The following ABCG2 variants were observed in gnomAD, a reference collection of about 807,000 sequenced individuals.
ABCG2 encodes ATP binding cassette subfamily G member 2 (JR blood group), also known as broad substrate specificity ATP-binding cassette transporter ABCG2.
In ABCG2, 80 loss-of-function variants were observed where a neutral mutation model predicts 73.5. The ratio of observed to expected loss-of-function variants is 1.09; its 90% CI spans 0.91 to 1.31. The LOEUF is 1.31. Among genes scored for constraint, ABCG2 ranks in the 50% most tolerant of loss-of-function variants. The probability of loss-of-function intolerance (pLI) is 0.00; values close to 1 mark genes in which losing one functional copy is unlikely to be tolerated. For missense variants in ABCG2, 796 were observed against 786.2 expected (o/e 1.01, Z -0.15); for synonymous variants, 269 against 282.4 (o/e 0.95, Z 0.48).
chr4:88,200,287 C>T (rs1170565105), intron 1 of ABCG2, among the ~76,000 whole-genome samples: 1 of 152,056 alleles, frequency 6.6e-6, no homozygotes, highest in Non-Finnish European at 1.5e-5. Flanking sequence ...CTGATCATGC[C>T]TGTGCACTCC....
chr4:88,115,232 G>GTCTCTCTCTCTCTCTGTCTCTCTCTCTC (rs59257608), intron 7 of ABCG2, among the ~76,000 whole-genome samples, 174 bp from the exon 8 acceptor site: 629 of 28,720 alleles, frequency 0.022, 251 homozygotes, highest in East Asian at 0.075. Flanking sequence ...TATATATTCA[G>GTCTCTCTCTCTCTCTGTCTCTCTCTCTC]TCTCTCTCTC....
At chr4:88,196,408 A>C (rs1188118234) in intron 1 of ABCG2, among the ~76,000 whole-genome samples, 1 of 152,210 alleles carries the variant, frequency 6.6e-6, no homozygotes, top group Non-Finnish European at 1.5e-5. Flanking sequence ...AGAATCTGAG[A>C]ACACTTAACT....
chr4:88,165,204 G>C (rs189068112), intron 1 of ABCG2, among the ~76,000 whole-genome samples: 39 of 152,336 alleles, frequency 2.6e-4, no homozygotes, highest in Admixed American at 1.8e-3. Flanking sequence ...TTGGAAAAAT[G>C]ATGAATATTT....
chr4:88,205,541 T>TTA (rs1174251936), intron 1 of ABCG2, among the ~76,000 whole-genome samples: 1 of 152,170 alleles, frequency 6.6e-6, no homozygotes, highest in East Asian at 1.9e-4. Context: ...CTGTTCCACT[T>TTA]TCATAAAGTT....
chr4:88,170,974 C>T (rs1311535614), intron 1 of ABCG2, among the ~76,000 whole-genome samples: 1 of 152,102 alleles, frequency 6.6e-6, no homozygotes, highest in African/African-American at 2.4e-5. Flanking sequence ...TACAGGAACA[C>T]GGATGGAGCC....
chr4:88,178,408 C>T (rs904069103), intron 1 of ABCG2, among the ~76,000 whole-genome samples: 1 of 152,152 alleles, frequency 6.6e-6, no homozygotes, highest in Non-Finnish European at 1.5e-5. Flanking sequence ...CAATCAGTAG[C>T]GGTACCCAGG....
intron 15 of ABCG2, among the ~76,000 whole-genome samples, chr4:88,093,925 G>T (rs188576706): frequency 1.1e-4 from 17 of 152,234 alleles, no homozygotes; most frequent in Admixed American, 3.3e-4. Context: ...TGAAAACGGG[G>T]TTTTTTTCTC....
chr4:88,168,197 G>A (rs1727618950), intron 1 of ABCG2, among the ~76,000 whole-genome samples: 1 of 151,958 alleles, frequency 6.6e-6, no homozygotes, highest in Non-Finnish European at 1.5e-5. Context: ...TGGTTATAAA[G>A]TTTATTTAGG....
Position 88,091,831 on chromosome 4 carries a change from T to A in ABCG2, c.*403A>T, listed in dbSNP as rs1259262427. Reference sequence around the variant, plus strand: ...TAGCATTAATACATTTGTCATTTATTAAATAATGGCAAACCATAGCATCAT... The same window carrying A: ...TAGCATTAATACATTTGTCATTTATAAAATAATGGCAAACCATAGCATCAT... On this transcript the variant is annotated 3_prime_UTR_variant, in exon 16 of 16. Coordinates refer to ENST00000237612, the MANE Select transcript of ABCG2 (RefSeq NM_004827.3). The A allele has an allele frequency of 6.4e-6, 1 of 156,842 alleles. No individual in the cohort carries two copies. Among genetic ancestry groups the A allele is most frequent in the Non-Finnish European group, 1.4e-5 (1 of 71,014 alleles). The allele number at this position is 156,842 out of a possible 1,614,324, so 9.7% of individuals were successfully genotyped here.
chr4:88,201,209 C>CAA (rs3061250), intron 1 of ABCG2, among the ~76,000 whole-genome samples: 14,155 of 106,114 alleles, frequency 0.13, 1,010 homozygotes, highest in Non-Finnish European at 0.16. Context: ...GCACTAACTG[C>CAA]AAAAAAAAAA....
intron 1 of ABCG2, among the ~76,000 whole-genome samples, chr4:88,209,817 G>A (rs1165229916): frequency 3.3e-5 from 5 of 152,136 alleles, no homozygotes; most frequent in African/African-American, 4.8e-5. Flanking sequence ...GTAATGATAA[G>A]TTTTAGATTC....
At chr4:88,111,178 A>C (rs1003338847) in intron 9 of ABCG2, among the ~76,000 whole-genome samples, 7 of 152,244 alleles carry the variant, frequency 4.6e-5, no homozygotes, top group Non-Finnish European at 7.3e-5. Context: ...TTTTGAAGCA[A>C]GATAATTCAA....
At chr4:88,099,924 ACTT>A (rs1722276617) in intron 11 of ABCG2, among the ~76,000 whole-genome samples, 1 of 151,940 alleles carries the variant, frequency 6.6e-6, no homozygotes, top group African/African-American at 2.4e-5. Flanking sequence ...AGCTCTTCTT[ACTT>A]CTTCTACTCC....
At chr4:88,227,295 C>G (rs1358981716) in intron 1 of ABCG2, among the ~76,000 whole-genome samples, 1 of 151,970 alleles carries the variant, frequency 6.6e-6, no homozygotes, top group African/African-American at 2.4e-5. Flanking sequence ...ACTAGGGAGG[C>G]TAAGACAGGA....
At chr4:88,138,351 T>C (rs1725392448) in intron 2 of ABCG2, among the ~76,000 whole-genome samples, 1 of 152,194 alleles carries the variant, frequency 6.6e-6, no homozygotes, top group South Asian at 2.1e-4. Context: ...GAAAGATTTG[T>C]CCTAAGTCAG....
intron 1 of ABCG2, among the ~76,000 whole-genome samples, chr4:88,214,753 G>A (rs1458133681): frequency 4.6e-5 from 7 of 152,062 alleles, no homozygotes; most frequent in African/African-American, 1.2e-4. Context: ...TGGACCAGAG[G>A]TACATGCCAC....
chr4:88,123,135 T>C (rs1724128958), intron 5 of ABCG2, among the ~76,000 whole-genome samples: 3 of 151,900 alleles, frequency 2.0e-5, no homozygotes, highest in South Asian at 4.2e-4. Context: ...AGCATCAACA[T>C]CAACAAAAAG....
chr4:88,179,412 A>G (rs1337315440), intron 1 of ABCG2, among the ~76,000 whole-genome samples: 1 of 152,112 alleles, frequency 6.6e-6, no homozygotes, highest in Non-Finnish European at 1.5e-5. Context: ...CCCAACTCCC[A>G]CCGTACACCT....
rs181507639 is a variant in ABCG2 at position 88,182,953 on chromosome 4, C to A, written c.-19-42939G>T. ...ACAAAAAATTAGCTGGGCATGGCGG[C>A]GGGCACCTGTAGTCCCAGCTACTCA... On this transcript the variant is annotated intron_variant, in intron 1 of 15. Transcript: ENST00000515655. Among the ~76,000 whole-genome samples the A allele has an allele frequency of 7.5e-3, 1,144 of 151,806 alleles. 17 individuals carry two copies. Among genetic ancestry groups the A allele is most frequent in the African/African-American group, 0.026 (1,073 of 41,438 alleles).
Sources: allele counts gnomAD v4.1 joint callset (sites outside exome capture counted in the v4.1 genomes callset), GRCh38; gene constraint gnomAD v4.1.1; transcripts MANE v1.5; gene names NCBI Gene and HGNC (gene_info 2026-07-23, HGNC 2026-07-21).